Variants in WDR12 observed in about 807,000 individuals in gnomAD.
WDR12 encodes the protein WD repeat domain 12.
WDR12 carries 42 observed loss-of-function variants against 64.3 expected under a neutral mutation model. The observed-to-expected ratio is 0.65, with a 90% CI of 0.51 to 0.84. The LOEUF (loss-of-function observed/expected upper bound fraction) is 0.84. WDR12 is among the 40% of genes least tolerant of loss of function. The pLI, the probability that WDR12 is intolerant of heterozygous loss-of-function variation, is 0.00. For missense variants in WDR12, 469 were observed against 494.6 expected, an observed-to-expected ratio of 0.95 and a Z score of 0.49; for synonymous variants, 158 against 173.3, an observed-to-expected ratio of 0.91 and a Z score of 0.70.
chr2:202,884,561 G>GA (rs140485691), intron 8 of WDR12, 26 bp from the exon 9 acceptor site: 31,921 of 1,594,182 alleles, frequency 0.02, 407 homozygotes, highest in South Asian at 0.026. Flanking sequence ...CCCAAAAGGG[G>GA]AAAGTGTTTT....
intron 4 of WDR12, among the ~76,000 whole-genome samples, chr2:202,898,163 C>A (rs1428502784): frequency 6.6e-6 from 1 of 150,938 alleles, no homozygotes; most frequent in Non-Finnish European, 1.5e-5. Flanking sequence ...ACTCTTTTTT[C>A]TTTTTGAGAT....
At chr2:202,896,985 AAAAACAAAAC>A (rs541694225) in intron 5 of WDR12, among the ~76,000 whole-genome samples, 85 of 152,214 alleles carry the variant, frequency 5.6e-4, no homozygotes, top group African/African-American at 1.1e-3. Context: ...AGACTATCTC[AAAAACAAAAC>A]AAAACAAAAC....
At chr2:202,903,761 A>G (rs1559164002) in intron 2 of WDR12, among the ~76,000 whole-genome samples, 2 of 152,204 alleles carry the variant, frequency 1.3e-5, no homozygotes, top group Non-Finnish European at 2.9e-5. Context: ...ATTTCTACTT[A>G]CAGTAGCCAC....
intron 2 of WDR12, among the ~76,000 whole-genome samples, chr2:202,904,138 C>CAAAAAAAAAAAAAAAAAAAAAAAAAA (rs34378996): frequency 1.6e-4 from 6 of 38,532 alleles, no homozygotes; most frequent in African/African-American, 2.9e-4. Context: ...AACTCTGTCT[C>CAAAAAAAAAAAAAAAAAAAAAAAAAA]AAAAAAAAAA....
chr2:202,900,019 G>T (rs1688321130), intron 3 of WDR12, among the ~76,000 whole-genome samples: 1 of 151,880 alleles, frequency 6.6e-6, no homozygotes, highest in Non-Finnish European at 1.5e-5. Context: ...TGCTGCAAAT[G>T]GGGGGGAAAG....
rs1426158809 is a variant in WDR12, at chr2:202,875,896, T to C, written c.*4964A>G. 2.0e-5 allele frequency: 3 copies of C among 152,228 alleles called. No individual in the cohort carries two copies. Among genetic ancestry groups the C allele is most frequent in the Non-Finnish European group, 2.9e-5 (2 of 68,046 alleles). 9.4% of individuals were successfully genotyped at this position (152,228 alleles called of 1,614,324 possible). A position where few individuals can be genotyped will look rare whatever the true frequency, so the allele number is the denominator to read the frequency against. On this transcript the variant is annotated 3_prime_UTR_variant, in exon 13 of 13. Coordinates refer to ENST00000261015, the MANE Select transcript of WDR12 (RefSeq NM_018256.4). ...CTTTAACATATATTTTTCTCTCCTA[T>C]AAAATGCAAATAATTTATTACCTAT...
chr2:202,907,499 T>C (rs1040983615), intron 2 of WDR12, among the ~76,000 whole-genome samples: 1 of 152,198 alleles, frequency 6.6e-6, no homozygotes, highest in African/African-American at 2.4e-5. Flanking sequence ...TGTGCTTCAC[T>C]AGTAAATGGG....
intron 12 of WDR12, 90 bp downstream of exon 12, chr2:202,882,621 C>T: frequency 1.4e-6 from 2 of 1,384,156 alleles, no homozygotes; most frequent in South Asian, 1.2e-5. Context: ...AGCCACTGCA[C>T]CCGGCCCGAA....
chr2:202,883,285 G>A (rs1021959380), intron 11 of WDR12, among the ~76,000 whole-genome samples: 15 of 152,142 alleles, frequency 9.9e-5, no homozygotes, highest in Admixed American at 2.6e-4. Flanking sequence ...ACAGGAGTGC[G>A]CCATCATGCC....
chr2:202,880,749 A>G lies in WDR12; in HGVS notation c.*111T>C. The G allele has an allele frequency of 1.2e-6, 1 of 815,354 alleles. No homozygotes were observed. Among genetic ancestry groups the G allele is most frequent in the Non-Finnish European group, 1.9e-6 (1 of 536,982 alleles). 50.5% of individuals were successfully genotyped at this position (815,354 alleles called of 1,614,324 possible). A position where few individuals can be genotyped will look rare whatever the true frequency, so the allele number is the denominator to read the frequency against. ...GTTAGCTGTTATGAAGGGTGAAAAC[A>G]TTATATAAACTTCAAAAGGCTGCTT... On this transcript the variant is annotated 3_prime_UTR_variant, in exon 13 of 13. Transcript: ENST00000261015.
chr2:202,906,176 A>C (rs1688453731), intron 2 of WDR12, among the ~76,000 whole-genome samples: 1 of 152,180 alleles, frequency 6.6e-6, no homozygotes, highest in African/African-American at 2.4e-5. Context: ...TAAAAAGAAT[A>C]TTTCTTATTC....
chr2:202,895,553 C>T (rs896887378), intron 6 of WDR12, among the ~76,000 whole-genome samples: 2 of 132,354 alleles, frequency 1.5e-5, no homozygotes, highest in African/African-American at 2.8e-5. Context: ...CTGAGTTTCA[C>T]TCTTGTTGGG....
chr2:202,907,851 G>A lies in WDR12; in HGVS notation c.136+14C>T. ...TTAGGGACACTGTGCCCTCTCCTAA[G>A]CATATATACCCACCATTTTTGTCCT... On this transcript the variant is annotated intron_variant, in intron 2 of 12. Transcript: ENST00000261015. The A allele has an allele frequency of 6.3e-7, 1 of 1,596,880 alleles. No individual in the cohort carries two copies. Among genetic ancestry groups the A allele is most frequent in the South Asian group, 1.1e-5 (1 of 90,668 alleles).
intron 2 of WDR12, among the ~76,000 whole-genome samples, chr2:202,903,485 AAGGAAG>A (rs1688390725): frequency 1.1e-5 from 1 of 90,448 alleles, no homozygotes. Flanking sequence ...GGAAGGAAGG[AAGGAAG>A]GAAGGAAGGA....
In WDR12 at chr2:202,897,341, C is replaced by T; in HGVS notation, c.413G>A (p.Gly138Glu). The T allele has an allele frequency of 1.9e-6, 3 of 1,599,468 alleles. No individual in the cohort carries two copies. Among genetic ancestry groups the T allele is most frequent in the Non-Finnish European group, 2.6e-6 (3 of 1,173,964 alleles). Residue 138 changes from glycine (G) to glutamate (E), a missense_variant, in exon 5 of 13, where the codon GGA becomes GAA. Transcript: ENST00000261015. ...CACATCTTTTACAACATCCGTATGT[C>T]CCACAATTGTCATTATTGACTTTCC... is the stretch of plus-strand genomic sequence containing the variant. ...LEGKSIMTIV[G>E]HTDVVKDVAW...
In WDR12 at chr2:202,892,664, T is replaced by C. The variant is rs200619343; in HGVS notation, c.694A>G (p.Asn232Asp). 2.2e-5 allele frequency: 35 copies of C among 1,613,362 alleles called. No individual in the cohort carries two copies. The highest frequency in any genetic ancestry group is 1.6e-4 in the Middle Eastern group (1 of 6,070). Residue 232 changes from asparagine (N) to aspartate (D), a missense_variant, in exon 8 of 13, where the codon AAT (asparagine) becomes GAT (aspartate). Coordinates refer to ENST00000261015, the MANE Select transcript of WDR12 (RefSeq NM_018256.4). ...GTCTTCTGTTTCTTTCTTGGTCGAT[T>C]TGTGGACTCCTCCATTTCATCTTCT... ...DEEDEMEESTNRPRKKQKTEQ... is the reference protein window; with the variant it reads ...DEEDEMEESTDRPRKKQKTEQ...
intron 2 of WDR12, among the ~76,000 whole-genome samples, chr2:202,907,058 C>T (rs1688471094): frequency 6.6e-6 from 1 of 151,876 alleles, no homozygotes; most frequent in Admixed American, 6.6e-5. Flanking sequence ...AAGCAATTCT[C>T]CTGCCTCAGC....
At chr2:202,904,567 G>A (rs1469037970) in intron 2 of WDR12, among the ~76,000 whole-genome samples, 3 of 152,010 alleles carry the variant, frequency 2.0e-5, no homozygotes, top group African/African-American at 7.3e-5. Flanking sequence ...ACCTACACTG[G>A]GGAACAGCCA....
intron 8 of WDR12, among the ~76,000 whole-genome samples, chr2:202,889,783 G>T (rs867074617): frequency 2.0e-5 from 3 of 152,036 alleles, no homozygotes; most frequent in Middle Eastern, 6.8e-3. Context: ...GGGCATGGTG[G>T]CATGCACCTG....
Sources: allele counts gnomAD v4.1 joint callset (sites outside exome capture counted in the v4.1 genomes callset), GRCh38; gene constraint gnomAD v4.1.1; transcripts MANE v1.5; gene names NCBI Gene and HGNC (gene_info 2026-07-23, HGNC 2026-07-21).